The following TENM4 variants were observed in gnomAD, a reference collection of about 807,000 sequenced individuals.
TENM4 encodes the protein teneurin-4.
A neutral mutation model predicts 243.3 loss-of-function variants in TENM4; 82 were observed. The ratio of observed to expected loss-of-function variants is 0.34; its 90% CI spans 0.28 to 0.40. TENM4 has a LOEUF of 0.40. Ranked by LOEUF, TENM4 falls within the 10% of genes least tolerant of loss-of-function variation. TENM4 has a pLI of 1.00. For missense variants in TENM4, 3,138 were observed against 3,673.3 expected, an observed-to-expected ratio of 0.85 and a Z score of 3.77; for synonymous variants, 1,412 against 1,456.3, an observed-to-expected ratio of 0.97 and a Z score of 0.69.
At chr11:79,388,842 C>CAAAA (rs1288159891) in intron 1 of TENM4, among the ~76,000 whole-genome samples, 1 of 152,132 alleles carries the variant, frequency 6.6e-6, no homozygotes, top group African/African-American at 2.4e-5. Context: ...AGGGCATCTT[C>CAAAA]CTGGAGAAGA....
intron 19 of TENM4, among the ~76,000 whole-genome samples, chr11:78,747,269 G>A (rs1856071827): frequency 6.6e-6 from 1 of 152,200 alleles, no homozygotes; most frequent in Non-Finnish European, 1.5e-5. Context: ...ACCCAGATGT[G>A]GCAGGGATGG....
At chr11:79,098,230 C>G (rs924888552) in intron 4 of TENM4, among the ~76,000 whole-genome samples, 6 of 140,258 alleles carry the variant, frequency 4.3e-5, no homozygotes, top group African/African-American at 8.2e-5. Context: ...CACCCCCCCC[C>G]ATCTCCCAGC....
chr11:79,180,163 C>A (rs951081511), intron 3 of TENM4, among the ~76,000 whole-genome samples: 4 of 151,708 alleles, frequency 2.6e-5, no homozygotes, highest in African/African-American at 9.6e-5. Context: ...TAACAAGATT[C>A]TAAAAATGCA....
At chr11:78,914,794 C>G (rs624045) in intron 6 of TENM4, among the ~76,000 whole-genome samples, 99,584 of 152,066 alleles carry the variant, frequency 0.65, 33,026 homozygotes, top group East Asian at 0.78. Context: ...TAGCTGTCAT[C>G]TTCCACATAT....
At chr11:79,295,530 A>G (rs1856435141) in intron 2 of TENM4, among the ~76,000 whole-genome samples, 1 of 152,190 alleles carries the variant, frequency 6.6e-6, no homozygotes, top group Non-Finnish European at 1.5e-5. Context: ...ACAACTCAAG[A>G]CATGGGACAC....
intron 1 of TENM4, among the ~76,000 whole-genome samples, chr11:79,343,211 T>G (rs1857270660): frequency 6.6e-6 from 1 of 152,242 alleles, no homozygotes; most frequent in Non-Finnish European, 1.5e-5. Flanking sequence ...CTAAGCACTC[T>G]GTGCCCAGCA....
chr11:79,143,969 C>T (rs949205810), intron 4 of TENM4, among the ~76,000 whole-genome samples: 6 of 151,878 alleles, frequency 4.0e-5, no homozygotes, highest in African/African-American at 9.7e-5. Context: ...AGTTGAAAAG[C>T]CTCTGCACAG....
chr11:78,826,686 A>G (rs956743941), intron 12 of TENM4, among the ~76,000 whole-genome samples: 1 of 152,166 alleles, frequency 6.6e-6, no homozygotes, highest in Non-Finnish European at 1.5e-5. Context: ...CCCTATGGAC[A>G]CTTCTGTTTA....
intron 9 of TENM4, among the ~76,000 whole-genome samples, chr11:78,879,378 G>A (rs1859361852): frequency 6.6e-6 from 1 of 151,840 alleles, no homozygotes; most frequent in Non-Finnish European, 1.5e-5. Context: ...GAGCGCCTCT[G>A]CCTGGCAGCC....
intron 4 of TENM4, among the ~76,000 whole-genome samples, chr11:79,084,237 A>T (rs1860749127): frequency 6.6e-6 from 1 of 152,224 alleles, no homozygotes; most frequent in Non-Finnish European, 1.5e-5. Flanking sequence ...GCAAGGATGC[A>T]GAGAAACTGG....
At chr11:78,664,276 T>C (rs1441422661) in intron 32 of TENM4, among the ~76,000 whole-genome samples, 2 of 152,086 alleles carry the variant, frequency 1.3e-5, no homozygotes, top group African/African-American at 2.4e-5. Context: ...GTATTTTGAT[T>C]TTTTTTTGAG....
chr11:79,063,806 C>G (rs1860163940), intron 6 of TENM4, among the ~76,000 whole-genome samples: 1 of 152,184 alleles, frequency 6.6e-6, no homozygotes, highest in Non-Finnish European at 1.5e-5. Flanking sequence ...TCATCTTTTC[C>G]TCCCACAGCC....
intron 1 of TENM4, among the ~76,000 whole-genome samples, chr11:79,374,073 AAGAGG>A (rs2135513827): frequency 6.6e-6 from 1 of 152,268 alleles, no homozygotes; most frequent in Admixed American, 6.5e-5. Context: ...CAACAAGTAA[AAGAGG>A]ACATGACAAT....
intron 16 of TENM4, among the ~76,000 whole-genome samples, chr11:78,785,890 G>A (rs1169527383): frequency 2.0e-5 from 3 of 152,042 alleles, no homozygotes; most frequent in Admixed American, 2.0e-4. Flanking sequence ...TAAGACCCAA[G>A]AGGTCACTTT....
intron 4 of TENM4, among the ~76,000 whole-genome samples, chr11:79,117,772 T>A (rs1050624604): frequency 6.6e-6 from 1 of 152,204 alleles, no homozygotes; most frequent in Non-Finnish European, 1.5e-5. Context: ...GCAAGTCATT[T>A]AACCTTTCTA....
chr11:79,073,509 T>A (rs1323724338), intron 4 of TENM4, among the ~76,000 whole-genome samples: 1 of 152,248 alleles, frequency 6.6e-6, no homozygotes, highest in African/African-American at 2.4e-5. Flanking sequence ...AGCTACTTCA[T>A]GTCTTCTTAT....
At chr11:79,255,582 C>T (rs1855688207) in intron 2 of TENM4, among the ~76,000 whole-genome samples, 1 of 152,186 alleles carries the variant, frequency 6.6e-6, no homozygotes, top group Non-Finnish European at 1.5e-5. Context: ...TGACGGCATA[C>T]AGCTCCTTAC....
At chr11:79,183,928 C>T (rs1288055656) in intron 3 of TENM4, among the ~76,000 whole-genome samples, 1 of 152,082 alleles carries the variant, frequency 6.6e-6, no homozygotes, top group Non-Finnish European at 1.5e-5. Flanking sequence ...AGTGTTGCTG[C>T]TGTGAAAAAA....
At position 78,862,617 on chromosome 11, in the gene TENM4, C is replaced by G. The variant is rs570356121; in HGVS notation, c.1255+345G>C. ...CCCATACCCCACTCCCACAGATGCC[C>G]AACTGTCCCATGAGGTTTGCCCAGA... On this transcript the variant is annotated intron_variant, in intron 10 of 33. Transcript: ENST00000278550. Among the ~76,000 whole-genome samples, 290 of 152,254 alleles carry G rather than the reference C, an allele frequency of 1.9e-3. 1 individual carries two copies. Among genetic ancestry groups the G allele is most frequent in the Middle Eastern group, 3.4e-3 (1 of 294 alleles).
Sources: gnomAD v4.1 joint callset for allele counts (sites outside exome capture counted in the v4.1 genomes callset) on GRCh38, gnomAD v4.1.1 for gene constraint, MANE v1.5 for transcripts, NCBI Gene and HGNC (gene_info 2026-07-23, HGNC 2026-07-21) for gene names.